The following NYAP2 variants were observed in gnomAD, a reference collection of about 807,000 sequenced individuals.
NYAP2 encodes the protein neuronal tyrosine-phosphorylated phosphoinositide-3-kinase adaptor 2.
In NYAP2, 23 loss-of-function variants were observed where a neutral mutation model predicts 50.4. The observed-to-expected ratio is 0.46, with a 90% CI of 0.33 to 0.65. The LOEUF (loss-of-function observed/expected upper bound fraction) is 0.65, where lower values mean the gene tolerates loss of function less well. NYAP2 is among the 30% of genes least tolerant of loss of function. The pLI is 0.02. For missense variants in NYAP2, 885 were observed against 861.0 expected, an observed-to-expected ratio of 1.03 and a Z score of -0.35; for synonymous variants, 394 against 365.2, an observed-to-expected ratio of 1.08 and a Z score of -0.90.
chr2:225,550,027 A>G (rs182469559), intron 4 of NYAP2, among the ~76,000 whole-genome samples: 53 of 151,908 alleles, frequency 3.5e-4, no homozygotes, highest in African/African-American at 6.5e-4. Context: ...GAGAGAGAGA[A>G]AAAAAAAGAA....
intron 4 of NYAP2, among the ~76,000 whole-genome samples, chr2:225,577,976 G>A (rs181066106): frequency 4.1e-4 from 62 of 152,096 alleles, no homozygotes; most frequent in African/African-American, 1.5e-3. Context: ...CTGTCACCCA[G>A]GCTGGAGTAC....
At chr2:225,619,544 G>A (rs1222593109) in intron 5 of NYAP2, among the ~76,000 whole-genome samples, 1 of 152,166 alleles carries the variant, frequency 6.6e-6, no homozygotes, top group Non-Finnish European at 1.5e-5. Context: ...ACTAATGTAT[G>A]GGGTCAGACC....
At chr2:225,512,799 CCT>C (rs201646350) in intron 3 of NYAP2, among the ~76,000 whole-genome samples, 3,494 of 119,572 alleles carry the variant, frequency 0.029, 217 homozygotes, top group African/African-American at 0.12. Context: ...TCCCTCCCTC[CCT>C]CTCTTTCTTT....
At chr2:225,579,326 A>G (rs1475193780) in intron 4 of NYAP2, among the ~76,000 whole-genome samples, 7 of 152,158 alleles carry the variant, frequency 4.6e-5, no homozygotes, top group Non-Finnish European at 7.4e-5. Context: ...CACAGGCACC[A>G]TAAGAGCCAT....
chr2:225,622,511 TTTCTTTC>T lies in NYAP2; in HGVS notation c.1619-4396_1619-4390del, dbSNP rs202046971. Among the ~76,000 whole-genome samples the T allele has an allele frequency of 1.1e-3, 37 of 34,340 alleles. 1 individual carries two copies. Among genetic ancestry groups the T allele is most frequent in the South Asian group, 4.8e-3 (2 of 414 alleles). 22.5% of individuals were successfully genotyped at this position (34,340 alleles called of 152,430 possible). ...TAACCAATTTTATTTCTTTTCTTTC[TTTCTTTC>T]TTCTTTCTTTCTTTCTTTCTTTCTT... is the stretch of plus-strand genomic sequence containing the variant. On this transcript the variant is annotated intron_variant, in intron 5 of 6. Transcript: ENST00000636099.
rs1692655880 is a variant in NYAP2, at chr2:225,599,120, T to C, written c.1618+16085T>C. ...TCATTCTTCTAAGAATAGAGAAGAC[T>C]GTGGAAGCTATTGAGCAAGATAAGT... On this transcript the variant is annotated intron_variant, in intron 5 of 6. Coordinates refer to ENST00000636099, the Ensembl canonical transcript of NYAP2. Among the ~76,000 whole-genome samples, 4 of 152,282 alleles carry C rather than the reference T, an allele frequency of 2.6e-5. No individual in the cohort carries two copies. The South Asian group carries it at 8.3e-4, about 32-fold the overall frequency.
intron 3 of NYAP2, among the ~76,000 whole-genome samples, chr2:225,496,252 GT>G (rs1186505366): frequency 1.3e-5 from 2 of 152,086 alleles, no homozygotes; most frequent in African/African-American, 4.8e-5. Context: ...AGGGAGTGAG[GT>G]TACTGGTAAT....
intron 4 of NYAP2, among the ~76,000 whole-genome samples, chr2:225,573,369 A>G (rs1056153765): frequency 3.3e-5 from 5 of 150,304 alleles, no homozygotes; most frequent in Admixed American, 2.0e-4. Flanking sequence ...CTCCTTCCTC[A>G]GCCTCCCGAG....
intron 3 of NYAP2, among the ~76,000 whole-genome samples, chr2:225,433,954 G>A (rs1689324450): frequency 1.3e-5 from 2 of 151,690 alleles, no homozygotes; most frequent in Non-Finnish European, 2.9e-5. Context: ...AAAATGATTT[G>A]GAATGGCATG....
chr2:225,435,515 A>G (rs1689361357), intron 3 of NYAP2, among the ~76,000 whole-genome samples: 1 of 152,196 alleles, frequency 6.6e-6, no homozygotes, highest in African/African-American at 2.4e-5. Context: ...CCAATACTCA[A>G]TATTTCAAAT....
chr2:225,603,728 C>T (rs1692738676), intron 5 of NYAP2, among the ~76,000 whole-genome samples: 1 of 152,190 alleles, frequency 6.6e-6, no homozygotes, highest in South Asian at 2.1e-4. Flanking sequence ...TGAACTGGTT[C>T]TGGTGACACT....
At chr2:225,463,795 A>G (rs558705904) in intron 3 of NYAP2, among the ~76,000 whole-genome samples, 1 of 152,212 alleles carries the variant, frequency 6.6e-6, no homozygotes, top group Admixed American at 6.5e-5. Context: ...CAATAGCAGG[A>G]TAAGCACAGA....
intron 4 of NYAP2, among the ~76,000 whole-genome samples, chr2:225,564,446 A>G (rs1047833460): frequency 1.1e-4 from 17 of 151,992 alleles, no homozygotes; most frequent in African/African-American, 4.1e-4. Context: ...GTGAGATTCT[A>G]ACATGGATCA....
chr2:225,434,706 C>T (rs1301542746), intron 3 of NYAP2, among the ~76,000 whole-genome samples: 1 of 152,172 alleles, frequency 6.6e-6, no homozygotes, highest in Non-Finnish European at 1.5e-5. Flanking sequence ...AATACATGGA[C>T]AGTGCCATTG....
chr2:225,546,915 C>T (rs1415069375), intron 4 of NYAP2, among the ~76,000 whole-genome samples: 1 of 152,114 alleles, frequency 6.6e-6, no homozygotes, highest in Non-Finnish European at 1.5e-5. Flanking sequence ...ATAAATCCTT[C>T]CAGGACTGGG....
the NYAP2 span, among the ~76,000 whole-genome samples, chr2:225,682,702 AG>A: frequency 1.3e-5 from 2 of 152,192 alleles, no homozygotes. Context: ...TATTTTCAAA[AG>A]TAGCAGGCAT....
Position 225,582,358 on chromosome 2 carries a change from C to G in NYAP2, c.941C>G (p.Pro314Arg), listed in dbSNP as rs767937385. The G allele has an allele frequency of 1.2e-6, 2 of 1,613,094 alleles. No homozygotes were observed. The highest frequency in any genetic ancestry group is 1.1e-5 in the South Asian group (1 of 91,078). ...TTCGCCAAGGCCTCAGTGCCATGCC[C>G]CCCCAAGGGGCTGCTTTGCGACATC... Residue 314 changes from proline to arginine, a missense_variant, in exon 5 of 7, where the codon CCC becomes CGC. Pro to Arg is a moderately radical substitution (Grantham distance 103). Transcript: ENST00000636099. The surrounding 1 kb of genome is among the most constrained non-coding windows in gnomAD (Gnocchi z 7.0).
At chr2:225,623,226 C>G (rs955683614) in intron 5 of NYAP2, among the ~76,000 whole-genome samples, 1 of 152,190 alleles carries the variant, frequency 6.6e-6, no homozygotes, top group African/African-American at 2.4e-5. Flanking sequence ...TTGGCAAAGA[C>G]TCAGAGGCAG....
chr2:225,695,975 C>T, the NYAP2 span, among the ~76,000 whole-genome samples: 1 of 151,852 alleles, frequency 6.6e-6, no homozygotes, highest in East Asian at 1.9e-4. Flanking sequence ...TTCTGGGCTC[C>T]AAGTCCAAGC....
Sources: gnomAD v4.1 joint callset for allele counts (sites outside exome capture counted in the v4.1 genomes callset) on GRCh38, gnomAD v4.1.1 for gene constraint, Gnocchi (gnomAD v3.1) non-coding constraint, MANE v1.5 for transcripts, NCBI Gene and HGNC (gene_info 2026-07-23, HGNC 2026-07-21) for gene names.